FER1L5: variants seen among roughly 807,000 people sequenced by gnomAD.
FER1L5 encodes the protein fer-1 like family member 5, also known as fer-1-like protein 5.
Under a neutral mutation model 279.9 loss-of-function variants are expected in FER1L5, and 187 were observed. The observed-to-expected ratio is 0.67, with a 90% CI of 0.59 to 0.75. The LOEUF (loss-of-function observed/expected upper bound fraction) is 0.75, where lower values mean the gene tolerates loss of function less well. Ranked by LOEUF, FER1L5 falls within the 30% of genes least tolerant of loss-of-function variation. The probability of loss-of-function intolerance (pLI) is 0.00; values close to 1 mark genes in which losing one functional copy is unlikely to be tolerated. For synonymous variants in FER1L5, 921 were observed against 989.7 expected, an observed-to-expected ratio of 0.93 and a Z score of 1.30; for missense variants, 2,091 against 2,594.4, an observed-to-expected ratio of 0.81 and a Z score of 4.21.
intron 8 of FER1L5, chr2:96,654,104 T>G (rs1266710073): frequency 3.6e-6 from 1 of 280,126 alleles, no homozygotes; most frequent in African/African-American, 2.2e-5. Context: ...GGCCTCTTCC[T>G]TTGAAGAATT....
At chr2:96,692,019 C>CGGGG in intron 30 of FER1L5, 56 bp downstream of exon 30, 1 of 889,458 alleles carries the variant, frequency 1.1e-6, no homozygotes, top group South Asian at 1.6e-5. Context: ...TACCCGAGGG[C>CGGGG]GGGGGGGGGG....
In FER1L5 at chr2:96,699,128, C is replaced by T. The variant is rs376952364; in HGVS notation, c.4602C>T (p.Ile1534=). 6.2e-7 allele frequency: 1 copy of T among 1,608,758 alleles called. No homozygotes were observed. Among genetic ancestry groups the T allele is most frequent in the Admixed American group, 1.7e-5 (1 of 59,192 alleles). ...DMYQPNTLDP[I]FGMMFELTCN... is the part of the protein sequence containing the mutation. The stretch of plus-strand genomic sequence containing the variant: ...ACCAGCCCAACACTCTGGATCCCAT[C>T]TTTGGCATGTGAGCTGCCCCAACCC... The change falls in exon 42 of 53, where the codon ATC becomes ATT. Residue 1534 remains isoleucine, a synonymous_variant. Transcript: ENST00000624922.
At position 96,703,229 on chromosome 2, in the gene FER1L5, C is replaced by T. The variant is rs1460879043; in HGVS notation, c.5574C>T (p.Asp1858=). 15 of 1,613,790 alleles carry T rather than the reference C, an allele frequency of 9.3e-6. No individual in the cohort carries two copies. In the East Asian group the frequency reaches 1.6e-4, roughly 17 times the overall value. The change falls in exon 50 of 53, where the codon GAC becomes GAT. Residue 1858 remains aspartate (D), a synonymous_variant. Transcript: ENST00000624922. ...HAKQCSIRMM[D]ADPKWPYFIQ... The stretch of plus-strand genomic sequence containing the variant: ...AGCAGTGCTCCATCAGGATGATGGA[C>T]GCCGACCCCAAGTGGCCCTATTTCA...
Position 96,687,887 on chromosome 2 carries a change from CACAG to C in FER1L5, c.2306_2309del (p.Asp769AlafsTer51). The stretch of plus-strand genomic sequence containing the variant: ...GGGTCTGCATGTGGCTTGGCAATGT[CACAG>C]ACAGCAAGGACCTGCAGCTGCTCCG... On this transcript the variant is annotated frameshift_variant, in exon 24 of 53. Transcript: ENST00000624922. LOFTEE classifies it high-confidence loss of function. 6.4e-7 allele frequency: 1 copy of C among 1,551,134 alleles called. No individual in the cohort carries two copies. The highest frequency in any genetic ancestry group is 8.7e-7 in the Non-Finnish European group (1 of 1,146,972).
rs781378661 is a variant in FER1L5, at chr2:96,700,303, T to C, written c.4931-29T>C. ...GATAGGAAGGCTAATGACCTCGCAA[T>C]CCCCTCCTTCCATCCCCCTCCAATC... On this transcript the variant is annotated intron_variant, in intron 44 of 52. Transcript: ENST00000624922. The C allele has an allele frequency of 5.0e-6, 8 of 1,609,918 alleles. No homozygotes were observed. In the East Asian group the frequency reaches 8.9e-5, roughly 18 times the overall value.
chr2:96,692,131 ACAT>A lies in FER1L5; in HGVS notation c.3244_3246del (p.Ile1082del). ...CCCCACTACTACCAGCTCTTCTGCT[ACAT>A]CTACCAGGCCCGGAACCTGGTGTCC... On this transcript the variant is annotated inframe_deletion, in exon 31 of 53. Coordinates refer to ENST00000624922, the MANE Select transcript of FER1L5 (RefSeq NM_001293083.2). 1 of 1,551,508 alleles carries A rather than the reference ACAT, an allele frequency of 6.4e-7. No homozygotes were observed. The highest frequency in any genetic ancestry group is 8.7e-7 in the Non-Finnish European group (1 of 1,146,924).
intron 1 of FER1L5, among the ~76,000 whole-genome samples, chr2:96,645,985 C>G (rs911556711): frequency 6.9e-6 from 1 of 144,784 alleles, no homozygotes; most frequent in African/African-American, 2.5e-5. Flanking sequence ...CTTGCCTTGA[C>G]TTGAAGTTTT....
chr2:96,648,035 C>T, intron 4 of FER1L5, 149 bp downstream of exon 4: 1 of 632,096 alleles, frequency 1.6e-6, no homozygotes, highest in Non-Finnish European at 2.8e-6. Flanking sequence ...ATCATCTGCG[C>T]CCCCCTCCCC....
At chr2:96,673,654 C>T (rs978825272) in intron 19 of FER1L5, among the ~76,000 whole-genome samples, 2 of 152,172 alleles carry the variant, frequency 1.3e-5, no homozygotes, top group African/African-American at 4.8e-5. Context: ...AACTACCCCT[C>T]CAGCCGTTCA....
At chr2:96,670,020 T>C in intron 17 of FER1L5, 99 bp from the exon 18 acceptor site, 1 of 1,482,560 alleles carries the variant, frequency 6.7e-7, no homozygotes, top group Non-Finnish European at 9.1e-7. Flanking sequence ...GGGCAGGCAG[T>C]GACTGGACAA....
At chr2:96,655,761 T>C (rs1224877236) in intron 9 of FER1L5, among the ~76,000 whole-genome samples, 2 of 152,090 alleles carry the variant, frequency 1.3e-5, no homozygotes, top group Non-Finnish European at 1.5e-5. Context: ...CCAGGCTGGA[T>C]TGCAGTGGTG....
intron 9 of FER1L5, among the ~76,000 whole-genome samples, chr2:96,659,358 C>CTTCTTTCTTTCTTTCTTTCT: frequency 3.3e-5 from 2 of 60,608 alleles, no homozygotes; most frequent in East Asian, 1.5e-3. Context: ...TCCTTCCTTC[C>CTTCTTTCTTTCTTTCTTTCT]TTCCTTCTTT....
intron 34 of FER1L5, chr2:96,695,157 G>A (rs1429104263): frequency 1.4e-5 from 3 of 219,520 alleles, no homozygotes; most frequent in South Asian, 1.3e-4. Flanking sequence ...AGAGGCAGTC[G>A]GCTTCAGGAA....
In FER1L5 at chr2:96,690,508, C is replaced by G; in HGVS notation, c.2662C>G (p.Arg888Gly). The stretch of plus-strand genomic sequence containing the variant: ...GCAGAATGGACAGCCCATGGAGGCC[C>G]GGGAGAACGTGAAGTGCCCCCAAGG... Reference protein sequence around the residue: ...TDVNGQPMEARENVKCPQGWH... With the variant: ...TDVNGQPMEAGENVKCPQGWH... The change falls in exon 27 of 53, where the codon CGG (arginine) becomes GGG (glycine). Residue 888 changes from arginine to glycine, a missense_variant. Transcript: ENST00000624922. The G allele has an allele frequency of 6.4e-7, 1 of 1,551,552 alleles. No homozygotes were observed. Among genetic ancestry groups the G allele is most frequent in the Admixed American group, 2.0e-5 (1 of 50,996 alleles).
In FER1L5 at chr2:96,695,671, C is replaced by T. The variant is rs776360542; in HGVS notation, c.3894+10C>T. On this transcript the variant is annotated intron_variant, in intron 35 of 52. Transcript: ENST00000624922. Reference sequence around the variant, plus strand: ...CCTAGTCCTCACAGTGGTAAGAGGCCCCAGGGCAGGGGCTGGGCAGCCCTC... The same window carrying T: ...CCTAGTCCTCACAGTGGTAAGAGGCTCCAGGGCAGGGGCTGGGCAGCCCTC... 3.6e-5 allele frequency: 57 copies of T among 1,604,824 alleles called. No homozygotes were observed. The South Asian group carries it at 6.0e-4, about 17-fold the overall frequency.
intron 4 of FER1L5, 72 bp from the exon 5 acceptor site, chr2:96,649,551 T>C (rs1221898276): frequency 1.4e-6 from 2 of 1,454,924 alleles, no homozygotes; most frequent in Non-Finnish European, 1.9e-6. Context: ...CCAACCAGGC[T>C]GTGCAGGGCT....
intron 13 of FER1L5, 138 bp from the exon 14 acceptor site, chr2:96,663,301 G>A (rs2076016623): frequency 1.3e-6 from 1 of 745,182 alleles, no homozygotes; most frequent in African/African-American, 1.7e-5. Flanking sequence ...TTGTGCAGGT[G>A]TCTTGAGAGC....
chr2:96,661,518 T>C (rs1412658504), intron 11 of FER1L5, 78 bp downstream of exon 11: 34 of 1,507,478 alleles, frequency 2.3e-5, no homozygotes, highest in Non-Finnish European at 3.1e-5. Context: ...CCCTGGATAT[T>C]GACCATCACA....
At chr2:96,645,925 A>G (rs1275527897) in intron 1 of FER1L5, among the ~76,000 whole-genome samples, 1 of 151,970 alleles carries the variant, frequency 6.6e-6, no homozygotes, top group Non-Finnish European at 1.5e-5. Flanking sequence ...AAAAGAAGTG[A>G]TGCCATATCA....
Sources: gnomAD v4.1 joint callset for allele counts (sites outside exome capture counted in the v4.1 genomes callset) on GRCh38, gnomAD v4.1.1 for gene constraint, MANE v1.5 for transcripts, NCBI Gene and HGNC (gene_info 2026-07-23, HGNC 2026-07-21) for gene names.